The following R3HCC1L variants were observed in gnomAD, a reference collection of about 807,000 sequenced individuals.
R3HCC1L encodes coiled-coil domain-containing protein R3HCC1L.
R3HCC1L carries 51 observed loss-of-function variants against 59.9 expected under a neutral mutation model. The observed-to-expected ratio is 0.85, with a 90% confidence interval of 0.68 to 1.07. The LOEUF is 1.07. R3HCC1L is among the 50% of genes least tolerant of loss of function. The pLI, the probability that R3HCC1L is intolerant of heterozygous loss-of-function variation, is 0.00. For missense variants in R3HCC1L, 965 were observed against 933.0 expected (o/e 1.03, Z -0.45); for synonymous variants, 322 against 315.2 (o/e 1.02, Z -0.23).
At chr10:98,152,033 G>C (rs1395079504) in intron 1 of R3HCC1L, among the ~76,000 whole-genome samples, 2 of 152,118 alleles carry the variant, frequency 1.3e-5, no homozygotes, top group South Asian at 4.1e-4. Context: ...CTGCCATCTC[G>C]GCTCACTGCA....
chr10:98,240,030 G>C (rs756377309), intron 9 of R3HCC1L, among the ~76,000 whole-genome samples: 2 of 152,148 alleles, frequency 1.3e-5, no homozygotes, highest in Non-Finnish European at 2.9e-5. Context: ...TCAGGGCCAG[G>C]CATGGTGGCT....
At chr10:98,165,923 G>A (rs1847900237) in intron 4 of R3HCC1L, among the ~76,000 whole-genome samples, 1 of 152,204 alleles carries the variant, frequency 6.6e-6, no homozygotes. Context: ...TGTAATCCCA[G>A]CACTTTGGGA....
chr10:98,184,625 T>C (rs1270115396), intron 4 of R3HCC1L, among the ~76,000 whole-genome samples: 1 of 152,234 alleles, frequency 6.6e-6, no homozygotes, highest in Non-Finnish European at 1.5e-5. Context: ...ATGACTGTAG[T>C]ACATTGCTGT....
At chr10:98,185,034 C>T (rs1017637113) in intron 4 of R3HCC1L, among the ~76,000 whole-genome samples, 1 of 152,172 alleles carries the variant, frequency 6.6e-6, no homozygotes, top group Admixed American at 6.5e-5. Flanking sequence ...TTTTGCACAA[C>T]ATCCATCTTT....
intron 4 of R3HCC1L, among the ~76,000 whole-genome samples, chr10:98,201,054 G>A (rs764464847): frequency 2.6e-5 from 4 of 152,084 alleles, no homozygotes; most frequent in Non-Finnish European, 4.4e-5. Context: ...CTTCAATATT[G>A]ACAAGCCAAA....
chr10:98,211,287 T>A (rs181243740), intron 5 of R3HCC1L: 1 of 1,425,508 alleles, frequency 7.0e-7, no homozygotes, highest in African/African-American at 1.4e-5. Flanking sequence ...CAGCAAACTG[T>A]CTATTTACAA....
At chr10:98,176,843 G>A (rs995869974) in intron 4 of R3HCC1L, among the ~76,000 whole-genome samples, 2 of 151,390 alleles carry the variant, frequency 1.3e-5, no homozygotes, top group Non-Finnish European at 2.9e-5. Flanking sequence ...GGTTTTTATT[G>A]CTCTGCTTTT....
chr10:98,219,879 C>T (rs761964921), intron 5 of R3HCC1L, among the ~76,000 whole-genome samples: 4 of 152,104 alleles, frequency 2.6e-5, no homozygotes, highest in Non-Finnish European at 5.9e-5. Context: ...TGGGTTGAAT[C>T]TCTTTGGGAA....
intron 4 of R3HCC1L, among the ~76,000 whole-genome samples, chr10:98,168,958 A>C (rs1045032853): frequency 6.6e-6 from 1 of 152,186 alleles, no homozygotes; most frequent in African/African-American, 2.4e-5. Flanking sequence ...CTTATGCGGA[A>C]TAGAAGAGAG....
chr10:98,157,719 T>G (rs1031158074), intron 2 of R3HCC1L, among the ~76,000 whole-genome samples: 3 of 152,260 alleles, frequency 2.0e-5, no homozygotes, highest in Admixed American at 6.5e-5. Flanking sequence ...CCTTGTGGAT[T>G]TATGTTTTAA....
chr10:98,222,328 G>A (rs1431636072), intron 5 of R3HCC1L, among the ~76,000 whole-genome samples: 3 of 152,146 alleles, frequency 2.0e-5, no homozygotes, highest in African/African-American at 4.8e-5. Flanking sequence ...TCTGCAAACA[G>A]GGACAATTTG....
intron 4 of R3HCC1L, among the ~76,000 whole-genome samples, chr10:98,206,115 C>T (rs1173153867): frequency 6.6e-6 from 1 of 152,012 alleles, no homozygotes. Context: ...TTCATTGAGA[C>T]CTCTTTGGGC....
intron 1 of R3HCC1L, among the ~76,000 whole-genome samples, chr10:98,142,670 C>T (rs1845267917): frequency 6.7e-6 from 1 of 148,276 alleles, no homozygotes; most frequent in Non-Finnish European, 1.5e-5. Flanking sequence ...TACGGTGGCT[C>T]ATACCTGTAA....
chr10:98,221,264 A>G (rs1269164507), intron 5 of R3HCC1L, among the ~76,000 whole-genome samples: 2 of 151,716 alleles, frequency 1.3e-5, no homozygotes, highest in Non-Finnish European at 3.0e-5. Context: ...AGTTCATTGT[A>G]GATTCTGGAT....
intron 1 of R3HCC1L, among the ~76,000 whole-genome samples, chr10:98,152,868 G>T (rs890916830): frequency 6.6e-6 from 1 of 150,686 alleles, no homozygotes; most frequent in African/African-American, 2.5e-5. Context: ...GAGCGTCTCC[G>T]CCCGGCAGCC....
At chr10:98,169,289 T>A (rs1848274949) in intron 4 of R3HCC1L, among the ~76,000 whole-genome samples, 1 of 152,200 alleles carries the variant, frequency 6.6e-6, no homozygotes, top group Admixed American at 6.5e-5. Flanking sequence ...CAGTCTAGTC[T>A]AGTAGTTAAG....
chr10:98,227,404 A>C (rs1855785212), intron 5 of R3HCC1L, among the ~76,000 whole-genome samples: 1 of 152,184 alleles, frequency 6.6e-6, no homozygotes, highest in Non-Finnish European at 1.5e-5. Context: ...AAGGAGATAT[A>C]TATTCCTGGC....
Position 98,236,017 on chromosome 10 carries a change from G to C in R3HCC1L, c.2129-7G>C, listed in dbSNP as rs748662757. ...TCCTTCCTACTCCCTTCCTTTCTTC[G>C]ATTCAGAGTTCCTCCAGCCAGCAAA... On this transcript the variant is annotated splice_region_variant and splice_polypyrimidine_tract_variant and intron_variant, in intron 8 of 9. Coordinates refer to ENST00000298999, the MANE Select transcript of R3HCC1L (RefSeq NM_001351015.2). 6.2e-7 allele frequency: 1 copy of C among 1,611,616 alleles called. No homozygotes were observed. Among genetic ancestry groups the C allele is most frequent in the Non-Finnish European group, 8.5e-7 (1 of 1,178,614 alleles).
chr10:98,190,630 A>T (rs1850724401), intron 4 of R3HCC1L, among the ~76,000 whole-genome samples: 1 of 152,190 alleles, frequency 6.6e-6, no homozygotes, highest in Non-Finnish European at 1.5e-5. Context: ...ATAGTAGTGC[A>T]TATATTAAGG....
Sources: allele counts gnomAD v4.1 joint callset (sites outside exome capture counted in the v4.1 genomes callset), GRCh38; gene constraint gnomAD v4.1.1; transcripts MANE v1.5; gene names NCBI Gene and HGNC (gene_info 2026-07-23, HGNC 2026-07-21).